Variants in ROBO2 observed in about 807,000 individuals in gnomAD.
The protein encoded by ROBO2 is roundabout homolog 2.
Under a neutral mutation model 160.8 loss-of-function variants are expected in ROBO2, and 53 were observed. The observed-to-expected ratio is 0.33, with a 90% confidence interval of 0.26 to 0.41. The LOEUF is 0.41. ROBO2 is among the 10% of genes least tolerant of loss of function. ROBO2 has a pLI of 1.00. For missense variants in ROBO2, 1,577 were observed against 1,722.4 expected (o/e 0.92, Z 1.49); for synonymous variants, 664 against 611.7 (o/e 1.09, Z -1.26).
chr3:76,558,598 G>T (rs2083958970), intron 2 of ROBO2, among the ~76,000 whole-genome samples: 1 of 152,004 alleles, frequency 6.6e-6, no homozygotes, highest in South Asian at 2.1e-4. Flanking sequence ...TTATAATTTT[G>T]AATTTATACT....
intron 2 of ROBO2, among the ~76,000 whole-genome samples, chr3:77,299,972 G>A (rs6548496): frequency 0.98 from 148,600 of 152,030 alleles, 72,734 homozygotes; most frequent in East Asian, 1. Context: ...ATGTTTCCGT[G>A]TCACTCATCA....
intron 2 of ROBO2, among the ~76,000 whole-genome samples, chr3:76,082,713 T>G (rs1222041016): frequency 6.6e-6 from 1 of 152,156 alleles, no homozygotes; most frequent in Non-Finnish European, 1.5e-5. Context: ...TTTCCTATTT[T>G]ATTTTTCTTT....
At chr3:76,557,604 CTTTTT>C (rs58555009) in intron 2 of ROBO2, among the ~76,000 whole-genome samples, 1 of 130,368 alleles carries the variant, frequency 7.7e-6, no homozygotes, top group Admixed American at 7.6e-5. Flanking sequence ...TAAAGGGTGC[CTTTTT>C]TTTTTTTTTT....
At chr3:77,469,343 G>A (rs1362817122) in intron 2 of ROBO2, among the ~76,000 whole-genome samples, 3 of 152,092 alleles carry the variant, frequency 2.0e-5, no homozygotes, top group Non-Finnish European at 2.9e-5. Flanking sequence ...TGGGGTCAAA[G>A]CGTGGCTGCC....
chr3:76,981,370 TATC>T (rs1211728261), intron 2 of ROBO2, among the ~76,000 whole-genome samples: 1 of 152,208 alleles, frequency 6.6e-6, no homozygotes, highest in East Asian at 1.9e-4. Flanking sequence ...TTACTACAGC[TATC>T]ATAGTGGTTG....
intron 2 of ROBO2, among the ~76,000 whole-genome samples, chr3:77,113,344 CTCAA>C (rs1425690487): frequency 6.6e-6 from 1 of 152,164 alleles, no homozygotes; most frequent in Non-Finnish European, 1.5e-5. Flanking sequence ...AGCAGCTTCT[CTCAA>C]AAGCCTGTTG....
chr3:77,405,504 T>C (rs1000161849), intron 2 of ROBO2, among the ~76,000 whole-genome samples: 1 of 152,136 alleles, frequency 6.6e-6, no homozygotes, highest in African/African-American at 2.4e-5. Context: ...ATGTGTGTTA[T>C]GTTCTGCCCT....
At chr3:76,938,407 T>C (rs2077891630) in intron 2 of ROBO2, among the ~76,000 whole-genome samples, 1 of 150,978 alleles carries the variant, frequency 6.6e-6, no homozygotes. Context: ...TGTATGTCTT[T>C]ACTCCTACAC....
chr3:77,486,657 G>A (rs888377974), intron 4 of ROBO2, among the ~76,000 whole-genome samples: 4 of 152,110 alleles, frequency 2.6e-5, no homozygotes, highest in African/African-American at 7.2e-5. Flanking sequence ...TGTACATCTG[G>A]ATATTAGACC....
At chr3:76,395,769 C>A (rs2077407729) in intron 2 of ROBO2, among the ~76,000 whole-genome samples, 1 of 152,042 alleles carries the variant, frequency 6.6e-6, no homozygotes, top group Non-Finnish European at 1.5e-5. Flanking sequence ...AAGACTAAAC[C>A]AGGAAGAAGT....
chr3:77,237,912 T>G (rs769860554), intron 2 of ROBO2, among the ~76,000 whole-genome samples: 62 of 152,290 alleles, frequency 4.1e-4, no homozygotes, highest in Admixed American at 2.1e-3. Context: ...GGTGGTGGTG[T>G]TGTTCTGTAT....
In ROBO2 at chr3:77,568,415, C is replaced by T. The variant is rs372105678; in HGVS notation, c.1952C>T (p.Thr651Met). The change falls in exon 13 of 26, where the codon ACG (threonine) becomes ATG (methionine). Residue 651 changes from threonine to methionine, a missense_variant. Transcript: ENST00000461745. ...AATCCAGTTGTGCTGACTCCCACCA[C>T]GGTTCAGGTCACATGGACGGTAAGC... The T allele has an allele frequency of 9.0e-5, 145 of 1,612,830 alleles. No individual in the cohort carries two copies. The highest frequency in any genetic ancestry group is 1.7e-4 in the African/African-American group (13 of 74,908).
intron 2 of ROBO2, among the ~76,000 whole-genome samples, chr3:76,561,459 T>G: frequency 6.6e-6 from 1 of 152,178 alleles, no homozygotes; most frequent in East Asian, 1.9e-4. Flanking sequence ...CTTTTCTGCC[T>G]TAATTGGATC....
chr3:77,090,650 G>A (rs562271946), intron 1 of ROBO2, among the ~76,000 whole-genome samples: 40 of 151,960 alleles, frequency 2.6e-4, no homozygotes, highest in Non-Finnish European at 5.2e-4. Context: ...CACAGCGCCC[G>A]GCCTAAACCA....
chr3:76,280,495 T>G (rs1470407789), intron 2 of ROBO2, among the ~76,000 whole-genome samples: 1 of 151,980 alleles, frequency 6.6e-6, no homozygotes, highest in Non-Finnish European at 1.5e-5. Context: ...CAAATGAGCC[T>G]AAACCTTGCT....
At chr3:76,250,613 C>T (rs1034861547) in intron 2 of ROBO2, among the ~76,000 whole-genome samples, 4 of 152,000 alleles carry the variant, frequency 2.6e-5, no homozygotes, top group Non-Finnish European at 5.9e-5. Flanking sequence ...TTTCATATCC[C>T]TGCGCTTCAG....
At chr3:76,973,454 G>T (rs1293409750) in intron 2 of ROBO2, among the ~76,000 whole-genome samples, 1 of 151,726 alleles carries the variant, frequency 6.6e-6, no homozygotes, top group Non-Finnish European at 1.5e-5. Context: ...ATATTAATAA[G>T]AATATCATAG....
At chr3:76,877,296 G>T (rs17014871) in intron 2 of ROBO2, among the ~76,000 whole-genome samples, 100 of 152,044 alleles carry the variant, frequency 6.6e-4, no homozygotes, top group African/African-American at 2.3e-3. Flanking sequence ...TTAATCGTAC[G>T]CAAACAGTAC....
chr3:77,196,280 C>T (rs780193252), intron 2 of ROBO2, among the ~76,000 whole-genome samples: 11 of 150,230 alleles, frequency 7.3e-5, no homozygotes, highest in East Asian at 2.0e-4. Context: ...TCCAATACTA[C>T]GGTATTTGAA....
Sources: allele counts gnomAD v4.1 joint callset (sites outside exome capture counted in the v4.1 genomes callset), GRCh38; gene constraint gnomAD v4.1.1; transcripts MANE v1.5; gene names NCBI Gene and HGNC (gene_info 2026-07-23, HGNC 2026-07-21).